PDE12: variants seen among roughly 807,000 people sequenced by gnomAD.
The protein encoded by PDE12 is phosphodiesterase 12.
In PDE12, 26 loss-of-function variants were observed where a neutral mutation model predicts 45.4. The observed-to-expected ratio is 0.57, with a 90% CI of 0.42 to 0.79. The LOEUF (loss-of-function observed/expected upper bound fraction) is 0.79. Among genes scored for constraint, PDE12 ranks in the 30% least tolerant of loss-of-function variants. PDE12 has a pLI of 0.00. For missense variants in PDE12, 668 were observed against 790.0 expected (o/e 0.85, Z 1.85); for synonymous variants, 283 against 323.9 (o/e 0.87, Z 1.36).
chr3:57,640,877 A>C, the PDE12 span, among the ~76,000 whole-genome samples: 3 of 152,140 alleles, frequency 2.0e-5, no homozygotes, highest in African/African-American at 7.2e-5. Flanking sequence ...TAGGTTAACA[A>C]AACTTCCAAC....
the PDE12 span, among the ~76,000 whole-genome samples, chr3:57,614,300 C>T: frequency 2.8e-4 from 43 of 152,098 alleles, no homozygotes; most frequent in Non-Finnish European, 5.6e-4. Flanking sequence ...GGATTCAAGT[C>T]ATACAAAGTA....
At chr3:57,605,181 C>T in the PDE12 span, among the ~76,000 whole-genome samples, 3 of 152,178 alleles carry the variant, frequency 2.0e-5, no homozygotes, top group South Asian at 2.1e-4. Context: ...AGCACAGAAA[C>T]GGAACAGAGT....
the PDE12 span, among the ~76,000 whole-genome samples, chr3:57,591,000 C>T: frequency 1.3e-5 from 2 of 152,116 alleles, no homozygotes; most frequent in African/African-American, 2.4e-5. Context: ...TCACAATAAC[C>T]TTTCATTTTT....
the PDE12 span, among the ~76,000 whole-genome samples, chr3:57,585,144 G>A: frequency 4.4e-3 from 677 of 152,228 alleles, 6 homozygotes; most frequent in African/African-American, 0.016. Flanking sequence ...GATTACAAGC[G>A]TGAGCCACCG....
chr3:57,602,273 A>G, the PDE12 span, among the ~76,000 whole-genome samples: 1 of 152,136 alleles, frequency 6.6e-6, no homozygotes, highest in Admixed American at 6.6e-5. Flanking sequence ...ACATGACAGT[A>G]TAATTTTTGC....
the PDE12 span, among the ~76,000 whole-genome samples, chr3:57,623,148 A>G: frequency 6.6e-6 from 1 of 152,114 alleles, no homozygotes; most frequent in East Asian, 1.9e-4. Context: ...GGTGGCTCAC[A>G]CCTGTAATCC....
At chr3:57,577,592 T>A in the PDE12 span, among the ~76,000 whole-genome samples, 2 of 152,180 alleles carry the variant, frequency 1.3e-5, no homozygotes, top group Non-Finnish European at 2.9e-5. Context: ...ATCTAAAAAA[T>A]TTTTATTCTT....
the PDE12 span, among the ~76,000 whole-genome samples, chr3:57,579,253 CAA>C: frequency 8.4e-5 from 4 of 47,600 alleles, no homozygotes; most frequent in Non-Finnish European, 1.1e-4. Context: ...AACTACATCT[CAA>C]AAAAAAAAAA....
In PDE12 at chr3:57,556,430, G is replaced by T. The variant is rs1437089704; in HGVS notation, c.51G>T (p.Ala17=). The T allele has an allele frequency of 3.1e-6, 5 of 1,611,414 alleles. No homozygotes were observed. Among genetic ancestry groups the T allele is most frequent in the Non-Finnish European group, 4.2e-6 (5 of 1,179,260 alleles). Residue 17 remains alanine, a synonymous_variant, in exon 1 of 3, where the codon GCG becomes GCT. Coordinates refer to ENST00000311180, the MANE Select transcript of PDE12 (RefSeq NM_177966.7). This position sits in a 1 kb window ranked among gnomAD's most constrained non-coding sequence, Gnocchi z 5.0. ...CCGCGCTTCGGGTGATCCGGACGGC[G>T]GTGGAGAAGCTGAGCCGGGCTGAAG... The part of the protein sequence containing the change: ...ARAALRVIRT[A]VEKLSRAEAG...
chr3:57,641,629 C>T, the PDE12 span: 1 of 1,590,534 alleles, frequency 6.3e-7, no homozygotes, highest in Admixed American at 1.7e-5. Flanking sequence ...ACACTAGAAA[C>T]AGAACACCAA....
the PDE12 span, chr3:57,599,968 C>T: frequency 6.6e-6 from 1 of 150,636 alleles, no homozygotes; most frequent in African/African-American, 2.4e-5. Context: ...GTTGGGATTA[C>T]AGGTGTGAGC....
At chr3:57,636,227 G>C in the PDE12 span, among the ~76,000 whole-genome samples, 1 of 152,142 alleles carries the variant, frequency 6.6e-6, no homozygotes, top group African/African-American at 2.4e-5. Context: ...TGTAATTTCA[G>C]TTTTGCAGAG....
At chr3:57,612,157 C>T in the PDE12 span, among the ~76,000 whole-genome samples, 2 of 146,410 alleles carry the variant, frequency 1.4e-5, no homozygotes, top group African/African-American at 5.1e-5. Flanking sequence ...AACCAAACAT[C>T]GTATGTTCTC....
chr3:57,636,899 T>C, the PDE12 span, among the ~76,000 whole-genome samples: 3 of 128,660 alleles, frequency 2.3e-5, no homozygotes, highest in Non-Finnish European at 4.6e-5. Context: ...ATTGTGTCAC[T>C]ACACTCCAGC....
the PDE12 span, among the ~76,000 whole-genome samples, chr3:57,609,420 AT>A: frequency 6.6e-6 from 1 of 152,098 alleles, no homozygotes; most frequent in Non-Finnish European, 1.5e-5. Flanking sequence ...ACACAAAAAA[AT>A]CCTTCAAAAA....
the PDE12 span, among the ~76,000 whole-genome samples, chr3:57,643,493 T>C: frequency 1.3e-5 from 2 of 152,110 alleles, no homozygotes; most frequent in Admixed American, 6.6e-5. Context: ...ATTTCAGTCA[T>C]TAACATGGGG....
At chr3:57,623,720 G>C in the PDE12 span, among the ~76,000 whole-genome samples, 1 of 152,086 alleles carries the variant, frequency 6.6e-6, no homozygotes, top group Non-Finnish European at 1.5e-5. Context: ...TATAACTCTG[G>C]AATATAAAGT....
At chr3:57,611,058 A>G in the PDE12 span, among the ~76,000 whole-genome samples, 16 of 152,282 alleles carry the variant, frequency 1.1e-4, no homozygotes, top group East Asian at 2.9e-3. Flanking sequence ...ATGGAACAGA[A>G]CAGAGCCCTC....
the PDE12 span, among the ~76,000 whole-genome samples, chr3:57,631,513 G>A: frequency 3.3e-5 from 5 of 151,802 alleles, no homozygotes; most frequent in African/African-American, 9.7e-5. Flanking sequence ...ATTTTTTAAC[G>A]ATAATAGTTA....
Sources: allele counts gnomAD v4.1 joint callset (sites outside exome capture counted in the v4.1 genomes callset), GRCh38; gene constraint gnomAD v4.1.1; non-coding constraint Gnocchi (gnomAD v3.1); transcripts MANE v1.5; gene names NCBI Gene and HGNC (gene_info 2026-07-23, HGNC 2026-07-21).